PRKG1: variants seen among roughly 807,000 people sequenced by gnomAD.
PRKG1 encodes the protein protein kinase cGMP-dependent 1, also known as cGMP-dependent protein kinase 1.
PRKG1 carries 35 observed loss-of-function variants against 88.1 expected under a neutral mutation model. The observed-to-expected ratio is 0.40, with a 90% CI of 0.30 to 0.53. The LOEUF is 0.53. PRKG1 is among the 20% of genes least tolerant of loss of function. PRKG1 has a pLI of 0.59. For missense variants in PRKG1, 540 were observed against 839.8 expected, an observed-to-expected ratio of 0.64 and a Z score of 4.41; for synonymous variants, 303 against 292.5, an observed-to-expected ratio of 1.04 and a Z score of -0.37.
At chr10:51,616,193 G>A (rs1183906304) in intron 3 of PRKG1, among the ~76,000 whole-genome samples, 1 of 152,228 alleles carries the variant, frequency 6.6e-6, no homozygotes, top group African/African-American at 2.4e-5. Flanking sequence ...AGGCCCCACT[G>A]GTGGCAGTGA....
chr10:51,661,109 A>G (rs1484081986), intron 3 of PRKG1, among the ~76,000 whole-genome samples: 4 of 152,048 alleles, frequency 2.6e-5, no homozygotes, highest in Admixed American at 6.6e-5. Context: ...ATATAAAGAA[A>G]AGCCTAGATA....
intron 2 of PRKG1, among the ~76,000 whole-genome samples, chr10:51,397,136 T>C (rs1193831919): frequency 6.6e-6 from 1 of 151,700 alleles, no homozygotes; most frequent in Non-Finnish European, 1.5e-5. Flanking sequence ...TTTTTTTTTT[T>C]TTTTTTTGGT....
At chr10:51,716,215 C>T (rs1176199043) in intron 3 of PRKG1, among the ~76,000 whole-genome samples, 1 of 152,220 alleles carries the variant, frequency 6.6e-6, no homozygotes, top group Non-Finnish European at 1.5e-5. Flanking sequence ...CCTCACACAG[C>T]TTCCAAAAGC....
At chr10:51,968,407 G>A (rs1052737607) in intron 5 of PRKG1, among the ~76,000 whole-genome samples, 1 of 152,090 alleles carries the variant, frequency 6.6e-6, no homozygotes, top group African/African-American at 2.4e-5. Context: ...GAATGGGGGA[G>A]AAGAAGAGGC....
At chr10:51,670,685 G>A (rs1028383005) in intron 3 of PRKG1, among the ~76,000 whole-genome samples, 2 of 146,956 alleles carry the variant, frequency 1.4e-5, no homozygotes, top group South Asian at 2.1e-4. Flanking sequence ...GCAGTGAGCC[G>A]AGATCCCGCC....
At chr10:51,410,177 A>T (rs1033401044) in intron 2 of PRKG1, among the ~76,000 whole-genome samples, 1 of 151,966 alleles carries the variant, frequency 6.6e-6, no homozygotes, top group Non-Finnish European at 1.5e-5. Context: ...TATATACTAT[A>T]TATACTAATA....
intron 5 of PRKG1, chr10:51,911,352 C>T (rs1466442477): frequency 6.7e-6 from 1 of 149,246 alleles, no homozygotes; most frequent in South Asian, 2.1e-4. Flanking sequence ...AAAACAAAGA[C>T]TTCATGAAAT....
chr10:51,181,223 A>ATTTT (rs1837333580), intron 2 of PRKG1, among the ~76,000 whole-genome samples: 3 of 102,458 alleles, frequency 2.9e-5, no homozygotes, highest in African/African-American at 9.1e-5. Context: ...TATTATATAG[A>ATTTT]ATTTTTTTTT....
At chr10:51,759,772 G>A (rs1837969941) in intron 3 of PRKG1, among the ~76,000 whole-genome samples, 1 of 151,862 alleles carries the variant, frequency 6.6e-6, no homozygotes. Flanking sequence ...GTGCATGTGT[G>A]TATGTGTGTG....
intron 3 of PRKG1, among the ~76,000 whole-genome samples, chr10:51,551,198 T>G (rs911814823): frequency 3.3e-5 from 5 of 151,856 alleles, no homozygotes; most frequent in African/African-American, 1.2e-4. Flanking sequence ...ACTCTACATA[T>G]CATGCTCCAA....
At chr10:51,143,338 T>G (rs1406445817) in intron 1 of PRKG1, among the ~76,000 whole-genome samples, 1 of 152,140 alleles carries the variant, frequency 6.6e-6, no homozygotes, top group Non-Finnish European at 1.5e-5. Context: ...TTGAGTAATA[T>G]TCCATTGTGT....
chr10:51,030,837 G>T (rs1843272942), intron 1 of PRKG1, among the ~76,000 whole-genome samples: 2 of 152,136 alleles, frequency 1.3e-5, no homozygotes, highest in African/African-American at 2.4e-5. Flanking sequence ...AGCAGATGCT[G>T]GTGCCATGCT....
At chr10:51,486,157 A>T (rs1265286072) in intron 3 of PRKG1, among the ~76,000 whole-genome samples, 1 of 152,106 alleles carries the variant, frequency 6.6e-6, no homozygotes. Context: ...TGCTAACTGT[A>T]GGCACTATAC....
intron 2 of PRKG1, among the ~76,000 whole-genome samples, chr10:51,440,489 C>A (rs1839070269): frequency 6.6e-6 from 1 of 151,816 alleles, no homozygotes; most frequent in African/African-American, 2.4e-5. Context: ...TAGGGAAAAA[C>A]TACATAAAGA....
intron 3 of PRKG1, among the ~76,000 whole-genome samples, chr10:51,717,844 A>G (rs996142406): frequency 6.6e-5 from 10 of 152,008 alleles, no homozygotes; most frequent in African/African-American, 2.4e-4. Context: ...AAAAAAAAAA[A>G]AAAGAAATAA....
At chr10:51,385,689 T>C (rs1837232317) in intron 2 of PRKG1, among the ~76,000 whole-genome samples, 2 of 152,172 alleles carry the variant, frequency 1.3e-5, no homozygotes, top group Admixed American at 6.5e-5. Context: ...AGTCCTTAAA[T>C]CAGGGACCAT....
chr10:52,167,439 T>A (rs1057404228), intron 9 of PRKG1, among the ~76,000 whole-genome samples: 2 of 152,236 alleles, frequency 1.3e-5, no homozygotes, highest in South Asian at 2.1e-4. Context: ...AGGACAAATA[T>A]TCAAACCATA....
At chr10:51,307,888 G>A (rs1841079016) in intron 2 of PRKG1, among the ~76,000 whole-genome samples, 1 of 152,148 alleles carries the variant, frequency 6.6e-6, no homozygotes. Context: ...GAGAAAGAAA[G>A]TCTATTTTAT....
At chr10:50,993,979 GC>G (rs1422693808) in intron 1 of PRKG1, among the ~76,000 whole-genome samples, 1 of 152,178 alleles carries the variant, frequency 6.6e-6, no homozygotes, top group African/African-American at 2.4e-5. Context: ...ATGCGCAGTA[GC>G]CGTCAGTGCA....
Sources: allele counts gnomAD v4.1 joint callset (sites outside exome capture counted in the v4.1 genomes callset), GRCh38; gene constraint gnomAD v4.1.1; transcripts MANE v1.5; gene names NCBI Gene and HGNC (gene_info 2026-07-23, HGNC 2026-07-21).